The following FERMT2 variants were observed in gnomAD, a reference collection of about 807,000 sequenced individuals.
The protein encoded by FERMT2 is fermitin family homolog 2.
A neutral mutation model predicts 82.7 loss-of-function variants in FERMT2; 15 were observed. That is an observed-to-expected ratio of 0.18 (90% confidence interval 0.12 to 0.28). The LOEUF is 0.28. Among genes scored for constraint, FERMT2 ranks in the 10% least tolerant of loss-of-function variants. FERMT2 has a pLI of 1.00. For missense variants in FERMT2, 645 were observed against 809.4 expected (o/e 0.80, Z 2.46); for synonymous variants, 274 against 271.5 (o/e 1.01, Z -0.09).
In FERMT2 at chr14:52,864,546, T is replaced by C. The variant is rs753398844; in HGVS notation, c.1457A>G (p.Asn486Ser). The change falls in exon 12 of 15, where the codon AAC becomes AGC. Residue 486 changes from asparagine to serine, a missense_variant. Asn to Ser is a conservative substitution (Grantham distance 46, BLOSUM62 1). Transcript: ENST00000341590. ...KGKTMADSSYNLEVQNILSFL... is the reference protein window; with the variant it reads ...KGKTMADSSYSLEVQNILSFL... The stretch of plus-strand genomic sequence containing the variant: ...GGAAAGAATATTCTGAACTTCTAAG[T>C]TGTAAGAACTGTCCGCCATGGTCTT... 5 of 1,614,070 alleles carry C rather than the reference T, an allele frequency of 3.1e-6. No individual in the cohort carries two copies. The highest frequency in any genetic ancestry group is 1.3e-5 in the African/African-American group (1 of 74,924).
At chr14:52,881,840 GA>G (rs1157098192) in intron 4 of FERMT2, 1 of 1,253,514 alleles carries the variant, frequency 8.0e-7, no homozygotes, top group Non-Finnish European at 1.0e-6. Context: ...TATAGGAAAG[GA>G]AAGAAAGGAA....
chr14:52,861,624 CAA>C (rs1030481927), intron 12 of FERMT2: 3 of 152,780 alleles, frequency 2.0e-5, no homozygotes, highest in Non-Finnish European at 2.9e-5. Flanking sequence ...GAAGGGAAAA[CAA>C]AGAGATGCCG....
chr14:52,907,146 G>A (rs1300578162), intron 3 of FERMT2, among the ~76,000 whole-genome samples: 1 of 152,160 alleles, frequency 6.6e-6, no homozygotes, highest in African/African-American at 2.4e-5. Context: ...CTGAGCAGCT[G>A]GAACTACAGG....
intron 2 of FERMT2, among the ~76,000 whole-genome samples, chr14:52,935,817 C>T (rs1889810178): frequency 6.6e-6 from 1 of 152,186 alleles, no homozygotes; most frequent in African/African-American, 2.4e-5. Flanking sequence ...ACTAAGTTTA[C>T]AAATAGCCTT....
chr14:52,890,445 A>G (rs1222601546), intron 4 of FERMT2, among the ~76,000 whole-genome samples: 1 of 141,626 alleles, frequency 7.1e-6, no homozygotes, highest in Non-Finnish European at 1.5e-5. Flanking sequence ...ACTCCGTCTG[A>G]AAAAAAAAAA....
At chr14:52,874,299 C>A in intron 8 of FERMT2, 73 bp from the exon 9 acceptor site, 1 of 829,862 alleles carries the variant, frequency 1.2e-6, no homozygotes, top group Non-Finnish European at 1.8e-6. Flanking sequence ...TATCTGATAT[C>A]AAGAACTAGC....
chr14:52,946,219 A>C (rs1890349930), intron 2 of FERMT2, among the ~76,000 whole-genome samples: 1 of 152,076 alleles, frequency 6.6e-6, no homozygotes, highest in Admixed American at 6.5e-5. Flanking sequence ...ATCCCATAAA[A>C]TTGGGCCTCT....
At chr14:52,949,208 C>G (rs983216126) in intron 2 of FERMT2, among the ~76,000 whole-genome samples, 1 of 152,050 alleles carries the variant, frequency 6.6e-6, no homozygotes, top group Non-Finnish European at 1.5e-5. Context: ...AAACTTCCTG[C>G]AGGGGTACAA....
intron 10 of FERMT2, among the ~76,000 whole-genome samples, chr14:52,865,432 TAC>T (rs1254413043): frequency 6.6e-6 from 1 of 152,204 alleles, no homozygotes. Flanking sequence ...GTATAATAAA[TAC>T]AGTGAAGTAG....
chr14:52,935,965 G>A (rs910803696), intron 2 of FERMT2, among the ~76,000 whole-genome samples: 2 of 152,172 alleles, frequency 1.3e-5, no homozygotes, highest in African/African-American at 4.8e-5. Context: ...TGCATAAACA[G>A]AAAGTATGCC....
chr14:52,881,186 A>G lies in FERMT2; in HGVS notation c.753-48T>C, dbSNP rs147765753. 2.9e-4 allele frequency: 464 copies of G among 1,593,496 alleles called. 4 individuals are homozygous for G. In the African/African-American group the frequency reaches 5.2e-3, roughly 18 times the overall value. On this transcript the variant is annotated intron_variant, in intron 5 of 14. Transcript: ENST00000341590. ...AACAAAACAACACAGAATGAAGACA[A>G]TATTTCTACCTCTAGCTGGATGAAG... is the stretch of plus-strand genomic sequence containing the variant.
chr14:52,931,796 G>C (rs575969255), intron 2 of FERMT2, among the ~76,000 whole-genome samples: 1 of 152,338 alleles, frequency 6.6e-6, no homozygotes, highest in Admixed American at 6.5e-5. Context: ...CCGGGAGGAT[G>C]AAACAGGCGG....
chr14:52,877,574 C>CTTTTTTTTTTTTTT lies in FERMT2; in HGVS notation c.963+994_963+1007dup, dbSNP rs34676786. 1.3e-3 allele frequency among the ~76,000 whole-genome samples: 86 copies of CTTTTTTTTTTTTTT among 67,060 alleles called. 14 individuals carry two copies. The highest frequency in any genetic ancestry group is 0.025 in the Middle Eastern group (1 of 40). 44.0% of individuals were successfully genotyped at this position (67,060 alleles called of 152,430 possible). A position where few individuals can be genotyped will look rare whatever the true frequency, so the allele number is the denominator to read the frequency against. On this transcript the variant is annotated intron_variant, in intron 7 of 14. Transcript: ENST00000341590. ...CTAAGGTGAAAATTAGCTGTTCTTG[C>CTTTTTTTTTTTTTT]TTTTTTTTTTTTTTTTTTTTTTTTG...
At position 52,897,090 on chromosome 14, in the gene FERMT2, A is replaced by G. The variant is rs139459620; in HGVS notation, c.392-3663T>C. On this transcript the variant is annotated intron_variant, in intron 3 of 14. Coordinates refer to ENST00000341590, the MANE Select transcript of FERMT2 (RefSeq NM_006832.3). ...GAAGTTACCTCCCTCCTCAAAAAAT[A>G]TAAATAACTGAATCATTTAAAATGT... Among the ~76,000 whole-genome samples the G allele has an allele frequency of 1.3e-5, 2 of 152,174 alleles. 1 individual carries two copies. Among genetic ancestry groups the G allele is most frequent in the East Asian group, 3.9e-4 (2 of 5,180 alleles).
intron 10 of FERMT2, 83 bp downstream of exon 10, chr14:52,872,716 T>C: frequency 1.4e-6 from 2 of 1,469,784 alleles, no homozygotes; most frequent in Non-Finnish European, 1.8e-6. Context: ...TTAAAAAACT[T>C]GTTTATCCCA....
chr14:52,879,666 TAAAG>T (rs757128967), intron 6 of FERMT2, among the ~76,000 whole-genome samples: 24 of 152,132 alleles, frequency 1.6e-4, no homozygotes, highest in Admixed American at 7.2e-4. Flanking sequence ...TACTGTTGTA[TAAAG>T]AATTACTTAA....
chr14:52,943,519 C>A (rs1166285768), intron 2 of FERMT2, among the ~76,000 whole-genome samples: 3 of 152,096 alleles, frequency 2.0e-5, no homozygotes, highest in Non-Finnish European at 4.4e-5. Context: ...ATTGGGACAA[C>A]TGGCAAATTT....
At chr14:52,877,574 C>CTTGTTTTTT (rs1886040294) in intron 7 of FERMT2, among the ~76,000 whole-genome samples, 1 of 67,060 alleles carries the variant, frequency 1.5e-5, no homozygotes, top group African/African-American at 6.1e-5. Context: ...GCTGTTCTTG[C>CTTGTTTTTT]TTTTTTTTTT....
chr14:52,875,658 C>CTT (rs536391034), intron 7 of FERMT2, among the ~76,000 whole-genome samples: 1 of 145,646 alleles, frequency 6.9e-6, no homozygotes, highest in Non-Finnish European at 1.5e-5. Flanking sequence ...AGATTTTTGA[C>CTT]TTTTTTTTTT....
Sources: gnomAD v4.1 joint callset for allele counts (sites outside exome capture counted in the v4.1 genomes callset) on GRCh38, gnomAD v4.1.1 for gene constraint, MANE v1.5 for transcripts, NCBI Gene and HGNC (gene_info 2026-07-23, HGNC 2026-07-21) for gene names.